The following PTPRD variants were observed in gnomAD, a reference collection of about 807,000 sequenced individuals.
PTPRD encodes protein tyrosine phosphatase receptor type D.
A neutral mutation model predicts 214.5 loss-of-function variants in PTPRD; 34 were observed. That is an observed-to-expected ratio of 0.16 (90% CI 0.12 to 0.21). The LOEUF (loss-of-function observed/expected upper bound fraction) is 0.21. PTPRD is among the 10% of genes least tolerant of loss of function. The pLI is 1.00. For synonymous variants in PTPRD, 1,128 were observed against 845.7 expected (o/e 1.33, Z -5.79); for missense variants, 2,545 against 2,398.7 (o/e 1.06, Z -1.27).
At chr9:9,356,564 T>C (rs552681030) in intron 9 of PTPRD, among the ~76,000 whole-genome samples, 5 of 151,538 alleles carry the variant, frequency 3.3e-5, no homozygotes, top group African/African-American at 1.2e-4. Flanking sequence ...TGTCATTTTC[T>C]CCATTTCAAT....
At chr9:9,729,614 C>T (rs1193439807) in intron 7 of PTPRD, among the ~76,000 whole-genome samples, 2 of 152,058 alleles carry the variant, frequency 1.3e-5, no homozygotes, top group African/African-American at 4.8e-5. Context: ...AGCAAATGCT[C>T]ATAATTTTAA....
chr9:8,867,415 T>C (rs7028347), intron 11 of PTPRD, among the ~76,000 whole-genome samples: 108,053 of 152,044 alleles, frequency 0.71, 39,878 homozygotes, highest in East Asian at 0.88. Context: ...AAAGAACAGT[T>C]GGCACTCATG....
chr9:8,647,912 A>T (rs989011419), intron 12 of PTPRD, among the ~76,000 whole-genome samples: 1 of 152,220 alleles, frequency 6.6e-6, no homozygotes, highest in African/African-American at 2.4e-5. Flanking sequence ...AGCACAGCTG[A>T]CCAACCTTCT....
chr9:9,479,221 C>A lies in PTPRD; in HGVS notation c.-236-81739G>T, dbSNP rs966591859. Among the ~76,000 whole-genome samples, 27 of 28,752 alleles carry A rather than the reference C, an allele frequency of 9.4e-4. 1 individual carries two copies. The highest frequency in any genetic ancestry group is 2.7e-3 in the African/African-American group (25 of 9,098). 18.9% of individuals were successfully genotyped at this position (28,752 alleles called of 152,430 possible). A position where few individuals can be genotyped will look rare whatever the true frequency, so the allele number is the denominator to read the frequency against. On this transcript the variant is annotated intron_variant, in intron 8 of 45. Coordinates refer to ENST00000381196, the MANE Select transcript of PTPRD (RefSeq NM_002839.4). Reference sequence around the variant, plus strand: ...TACATACATACACACACACGCCCCCCCCCCCCCCACACACACACCCACCTC... The same window carrying A: ...TACATACATACACACACACGCCCCCACCCCCCCCACACACACACCCACCTC...
At chr9:10,482,112 C>T (rs935721821) in intron 2 of PTPRD, among the ~76,000 whole-genome samples, 11 of 152,148 alleles carry the variant, frequency 7.2e-5, no homozygotes, top group Admixed American at 3.9e-4. Context: ...TGGCTCACGC[C>T]TGTAATCCCA....
At chr9:10,075,367 A>T (rs2098116233) in intron 3 of PTPRD, among the ~76,000 whole-genome samples, 1 of 152,090 alleles carries the variant, frequency 6.6e-6, no homozygotes, top group Admixed American at 6.6e-5. Flanking sequence ...TTCAAAACAT[A>T]TCTAAGCCAA....
intron 10 of PTPRD, among the ~76,000 whole-genome samples, chr9:9,177,137 T>C (rs2099925386): frequency 1.3e-5 from 2 of 152,110 alleles, no homozygotes; most frequent in African/African-American, 4.8e-5. Context: ...ACAATCATGG[T>C]GGAAGGTGAA....
At chr9:8,439,875 T>C (rs2095484063) in intron 34 of PTPRD, among the ~76,000 whole-genome samples, 1 of 150,314 alleles carries the variant, frequency 6.7e-6, no homozygotes, top group African/African-American at 2.4e-5. Context: ...CTGCTCAGTC[T>C]ATAAACCAAA....
intron 2 of PTPRD, among the ~76,000 whole-genome samples, chr9:10,493,606 T>G (rs1475476311): frequency 6.6e-6 from 1 of 151,928 alleles, no homozygotes; most frequent in Non-Finnish European, 1.5e-5. Flanking sequence ...ATACAGGGTT[T>G]CTTTTAATAA....
At chr9:10,199,494 C>T (rs2099411105) in intron 3 of PTPRD, among the ~76,000 whole-genome samples, 1 of 152,010 alleles carries the variant, frequency 6.6e-6, no homozygotes. Context: ...GCTTTATCTT[C>T]TAATCAAAAC....
rs563392825 is a variant in PTPRD at position 9,708,610 on chromosome 9, T to G, written c.-287+25923A>C. On this transcript the variant is annotated intron_variant, in intron 7 of 45. Coordinates refer to ENST00000381196, the MANE Select transcript of PTPRD (RefSeq NM_002839.4). ...CCCGATTTCAAAGTCCTCAAGAGTATTTCACGGTTTTCCTAGTGTAGAGAC... is the reference window on the plus strand; with the variant it reads ...CCCGATTTCAAAGTCCTCAAGAGTAGTTCACGGTTTTCCTAGTGTAGAGAC... Among the ~76,000 whole-genome samples, 88 of 152,150 alleles carry G rather than the reference T, an allele frequency of 5.8e-4. 1 individual carries two copies. The highest frequency in any genetic ancestry group is 2.0e-3 in the African/African-American group (84 of 41,548).
rs7862021 is a variant in PTPRD at position 8,359,000 on chromosome 9, C to A, written c.4661+16936G>T. ...GCGGGCGCCTGTAGTCCCAGCTACT[C>A]GGGAGGCTGAGGCAGGAGAATGGCG... On this transcript the variant is annotated intron_variant, in intron 39 of 45. Transcript: ENST00000381196. 2.7e-5 allele frequency among the ~76,000 whole-genome samples: 4 copies of A among 146,100 alleles called. No individual in the cohort carries two copies. In the Admixed American group the frequency reaches 2.8e-4, roughly 10 times the overall value.
intron 4 of PTPRD, among the ~76,000 whole-genome samples, chr9:10,018,538 CTTTTT>C (rs71321214): frequency 1.4e-5 from 1 of 71,124 alleles, no homozygotes; most frequent in Non-Finnish European, 2.7e-5. Context: ...AATTACATTT[CTTTTT>C]TTTTTTTTTT....
At chr9:10,239,529 T>C (rs2099640088) in intron 3 of PTPRD, among the ~76,000 whole-genome samples, 1 of 151,788 alleles carries the variant, frequency 6.6e-6, no homozygotes, top group Non-Finnish European at 1.5e-5. Flanking sequence ...ACACTTCATT[T>C]CCAGGTAGTG....
chr9:9,144,014 G>C (rs909659075), intron 10 of PTPRD, among the ~76,000 whole-genome samples: 3 of 152,192 alleles, frequency 2.0e-5, no homozygotes, highest in African/African-American at 7.2e-5. Flanking sequence ...CTTCTTCTAA[G>C]ATCAATTCTT....
chr9:9,244,112 A>G (rs1001370769), intron 9 of PTPRD, among the ~76,000 whole-genome samples: 2 of 152,148 alleles, frequency 1.3e-5, no homozygotes, highest in African/African-American at 4.8e-5. Flanking sequence ...GAGAACTACA[A>G]ACCACTGCTC....
intron 7 of PTPRD, among the ~76,000 whole-genome samples, chr9:9,646,822 ATAAC>A (rs965244719): frequency 6.6e-4 from 101 of 152,342 alleles, no homozygotes; most frequent in African/African-American, 2.4e-3. Flanking sequence ...ATGAACAACA[ATAAC>A]TAAGAATAGA....
intron 4 of PTPRD, among the ~76,000 whole-genome samples, chr9:10,030,858 G>T (rs1398896851): frequency 6.6e-6 from 1 of 152,172 alleles, no homozygotes; most frequent in African/African-American, 2.4e-5. Context: ...TTATTCACAA[G>T]CAACCTTGAA....
intron 11 of PTPRD, among the ~76,000 whole-genome samples, chr9:8,905,095 T>A (rs1314408871): frequency 1.3e-5 from 2 of 152,172 alleles, no homozygotes; most frequent in Non-Finnish European, 2.9e-5. Flanking sequence ...TTGTCTACCT[T>A]TAAGGTCATT....
Sources: allele counts gnomAD v4.1 joint callset (sites outside exome capture counted in the v4.1 genomes callset), GRCh38; gene constraint gnomAD v4.1.1; transcripts MANE v1.5; gene names NCBI Gene and HGNC (gene_info 2026-07-23, HGNC 2026-07-21).